ERMARD: variants seen among roughly 807,000 people sequenced by gnomAD.
ERMARD encodes the protein endoplasmic reticulum membrane-associated RNA degradation protein.
ERMARD carries 71 observed loss-of-function variants against 83.9 expected under a neutral mutation model. That is an observed-to-expected ratio of 0.85 (90% CI 0.70 to 1.03). The LOEUF is 1.03. Among genes scored for constraint, ERMARD ranks in the 50% least tolerant of loss-of-function variants. The probability of loss-of-function intolerance (pLI) is 0.00; values close to 1 mark genes in which losing one functional copy is unlikely to be tolerated. For synonymous variants in ERMARD, 284 were observed against 298.6 expected (o/e 0.95, Z 0.50); for missense variants, 838 against 810.9 (o/e 1.03, Z -0.41).
chr6:169,776,674 G>C lies in ERMARD; in HGVS notation c.1739+1G>C. 2 of 1,613,140 alleles carry C rather than the reference G, an allele frequency of 1.2e-6. No homozygotes were observed. The highest frequency in any genetic ancestry group is 1.7e-6 in the Non-Finnish European group (2 of 1,179,894). On this transcript the variant is annotated splice_donor_variant, in intron 16 of 17. Coordinates refer to ENST00000366773, the MANE Select transcript of ERMARD (RefSeq NM_018341.3). LOFTEE classifies it high-confidence loss of function. ...AGAACTACCTGCGTATGTGGAGTAG[G>C]TGCGCGCTCACTTTCCTGTTTTGGA...
intron 9 of ERMARD, 63 bp from the exon 10 acceptor site, chr6:169,766,575 A>G: frequency 7.3e-7 from 1 of 1,370,938 alleles, no homozygotes; most frequent in Middle Eastern, 1.9e-4. Flanking sequence ...CTTATTTTGC[A>G]TAGTGTTAGT....
In ERMARD at chr6:169,781,336, A is replaced by G; in HGVS notation, c.1860A>G (p.Val620=). The G allele has an allele frequency of 6.3e-7, 1 of 1,597,528 alleles. No homozygotes were observed. The highest frequency in any genetic ancestry group is 8.5e-7 in the Non-Finnish European group (1 of 1,176,038). ...ATTAATTTTTTTTTTACAGGTTTGT[A>G]AAGTCGATCTTGCAGTACACGGAGA... ...AHEYQQYLKF[V]KSILQYTENL... The change falls in exon 18 of 18, where the codon GTA becomes GTG. Residue 620 remains valine, a synonymous_variant. Transcript: ENST00000366773.
At position 169,773,359 on chromosome 6, in the gene ERMARD, G is replaced by C; in HGVS notation, c.1274G>C (p.Gly425Ala). 1 of 1,614,152 alleles carries C rather than the reference G, an allele frequency of 6.2e-7. No individual in the cohort carries two copies. ...AVELLISLAEGYSSRCHPVFQ... is the reference protein window; with the variant it reads ...AVELLISLAEAYSSRCHPVFQ... ...GAATTGTTGATTAGTCTTGCAGAAG[G>C]CTATAGTTCTCGCTGTCATCCGGTT... Residue 425 changes from glycine (G) to alanine (A), a missense_variant, in exon 13 of 18, where the codon GGC becomes GCC. Physicochemically the swap from Gly to Ala is moderately conservative, Grantham distance 60. Transcript: ENST00000366773.
rs369379178 is a variant in ERMARD, at chr6:169,768,537, C to T, written c.1059+366C>T. ...CTTTGGGAGGCCAAGGCGGGCAGATCACAAGGTCAAGAGTTCAATACCAGT... is the reference window on the plus strand; with the variant it reads ...CTTTGGGAGGCCAAGGCGGGCAGATTACAAGGTCAAGAGTTCAATACCAGT... On this transcript the variant is annotated intron_variant, in intron 11 of 17. Coordinates refer to ENST00000366773, the MANE Select transcript of ERMARD (RefSeq NM_018341.3). Among the ~76,000 whole-genome samples the T allele has an allele frequency of 9.8e-5, 15 of 152,294 alleles. No homozygotes were observed. The East Asian group carries it at 2.7e-3, about 27-fold the overall frequency.
In ERMARD at chr6:169,776,014, T is replaced by C; in HGVS notation, c.1469T>C (p.Met490Thr). The change falls in exon 15 of 18, where the codon ATG (methionine) becomes ACG (threonine). Residue 490 changes from methionine (M) to threonine (T), a missense_variant. Transcript: ENST00000366773. ...ATGACGGATGAGCTGTATCACCATA[T>C]GCCTGAGAATCGTTGTGTGTTAAAG... ...TKMTDELYHH[M>T]PENRCVLKDL... 3.7e-6 allele frequency: 6 copies of C among 1,614,224 alleles called. No homozygotes were observed. The highest frequency in any genetic ancestry group is 5.1e-6 in the Non-Finnish European group (6 of 1,180,036).
At position 169,756,430 on chromosome 6, in the gene ERMARD, C is replaced by T. The variant is rs1790823135; in HGVS notation, c.408C>T (p.Ala136=). ...AACTGACATCGTGTCTAGAACGAGCCTTGGGTGATGTAAGTGTGAGAACTC... is the reference window on the plus strand; with the variant it reads ...AACTGACATCGTGTCTAGAACGAGCTTTGGGTGATGTAAGTGTGAGAACTC... ...LMKLTSCLER[A]LGDVFLLIGK... The change falls in exon 4 of 18, where the codon GCC becomes GCT. Residue 136 remains alanine, a synonymous_variant. Transcript: ENST00000366773. 11 of 1,605,750 alleles carry T rather than the reference C, an allele frequency of 6.9e-6. No homozygotes were observed. The highest frequency in any genetic ancestry group is 9.4e-6 in the Non-Finnish European group (11 of 1,175,724).
At chr6:169,765,148 G>A (rs1792043859) in intron 9 of ERMARD, among the ~76,000 whole-genome samples, 1 of 152,226 alleles carries the variant, frequency 6.6e-6, no homozygotes, top group Admixed American at 6.5e-5. Flanking sequence ...CTGCACGGTG[G>A]CACGCACCAT....
chr6:169,751,616 G>C (rs1563002240), upstream of ERMARD: 3 of 1,582,192 alleles, frequency 1.9e-6, no homozygotes, highest in Admixed American at 3.7e-5. Flanking sequence ...GCGCGCAGGC[G>C]CCTGCGTCAT....
intron 9 of ERMARD, among the ~76,000 whole-genome samples, chr6:169,764,380 C>G (rs1441760772): frequency 6.6e-6 from 1 of 151,648 alleles, no homozygotes; most frequent in Non-Finnish European, 1.5e-5. Flanking sequence ...CCTCCCACCT[C>G]CGCCCCCCGA....
intron 9 of ERMARD, among the ~76,000 whole-genome samples, chr6:169,766,233 G>T (rs529536533): frequency 6.6e-6 from 1 of 152,216 alleles, no homozygotes; most frequent in African/African-American, 2.4e-5. Flanking sequence ...GAGAAGCAGC[G>T]TGCATGAAAT....
intron 16 of ERMARD, 145 bp downstream of exon 16, chr6:169,776,818 T>C: frequency 1.0e-6 from 1 of 980,260 alleles, no homozygotes. Context: ...AGTCCACAAC[T>C]GAGTGTGAAC....
chr6:169,772,727 G>A (rs910889283), intron 12 of ERMARD, among the ~76,000 whole-genome samples: 12 of 145,940 alleles, frequency 8.2e-5, no homozygotes, highest in African/African-American at 2.3e-4. Context: ...CCGAGATCGC[G>A]CCAGTGCACT....
intron 6 of ERMARD, among the ~76,000 whole-genome samples, chr6:169,759,451 ACT>A (rs1269840983): frequency 2.6e-5 from 4 of 151,474 alleles, no homozygotes; most frequent in African/African-American, 2.4e-5. Context: ...ATAGAGTGTC[ACT>A]CTGTCACCCA....
chr6:169,779,381 T>A, intron 17 of ERMARD, 86 bp downstream of exon 17: 1 of 1,160,644 alleles, frequency 8.6e-7, no homozygotes, highest in Non-Finnish European at 1.3e-6. Context: ...TGGGGCAGTG[T>A]GAGTGACACT....
At chr6:169,759,793 A>G (rs765950028) in intron 6 of ERMARD, 45 bp from the exon 7 acceptor site, 4 of 1,537,804 alleles carry the variant, frequency 2.6e-6, no homozygotes, top group East Asian at 2.3e-5. Context: ...TTTTATAGGC[A>G]TGATTGAGTA....
upstream of ERMARD, chr6:169,751,449 G>T: frequency 3.7e-6 from 6 of 1,613,920 alleles, no homozygotes; most frequent in Non-Finnish European, 5.1e-6. Flanking sequence ...CCTCGGCCTC[G>T]CTTCTCCATC....
chr6:169,781,337 A>T lies in ERMARD; in HGVS notation c.1861A>T (p.Lys621Ter). Reference sequence around the variant, plus strand: ...TTAATTTTTTTTTTACAGGTTTGTAAAGTCGATCTTGCAGTACACGGAGAA... The same window carrying T: ...TTAATTTTTTTTTTACAGGTTTGTATAGTCGATCTTGCAGTACACGGAGAA... Reference protein sequence around the residue: ...HEYQQYLKFVKSILQYTENLV... With the variant: ...HEYQQYLKFV The change falls in exon 18 of 18, where the codon AAG (lysine) becomes TAG (stop). Residue 621 changes from lysine to a stop codon, truncating the protein, a stop_gained. Coordinates refer to ENST00000366773, the MANE Select transcript of ERMARD (RefSeq NM_018341.3). LOFTEE classifies it low-confidence loss of function (END_TRUNC). The T allele has an allele frequency of 1.9e-6, 3 of 1,598,076 alleles. No homozygotes were observed. The African/African-American group carries it at 4.0e-5, about 22-fold the overall frequency.
At chr6:169,779,976 G>A (rs1378560442) in intron 17 of ERMARD, among the ~76,000 whole-genome samples, 50 of 152,194 alleles carry the variant, frequency 3.3e-4, no homozygotes, top group Admixed American at 3.1e-3. Flanking sequence ...AGTCTCCCTC[G>A]GCTGCTAGGA....
chr6:169,762,343 G>A (rs1791656131), intron 8 of ERMARD, 86 bp from the exon 9 acceptor site: 2 of 1,255,372 alleles, frequency 1.6e-6, no homozygotes, highest in South Asian at 1.3e-5. Flanking sequence ...CCAAAATGCT[G>A]GGATTACAGG....
Sources: gnomAD v4.1 joint callset for allele counts (sites outside exome capture counted in the v4.1 genomes callset) on GRCh38, gnomAD v4.1.1 for gene constraint, MANE v1.5 for transcripts, NCBI Gene and HGNC (gene_info 2026-07-23, HGNC 2026-07-21) for gene names.